RAD18: variants seen among roughly 807,000 people sequenced by gnomAD.
The protein encoded by RAD18 is E3 ubiquitin-protein ligase RAD18.
Under a neutral mutation model 60.4 loss-of-function variants are expected in RAD18, and 47 were observed. The ratio of observed to expected loss-of-function variants is 0.78; its 90% CI spans 0.62 to 0.99. The LOEUF (loss-of-function observed/expected upper bound fraction) is 0.99, where lower values mean the gene tolerates loss of function less well. Among genes scored for constraint, RAD18 ranks in the 50% least tolerant of loss-of-function variants. The probability of loss-of-function intolerance (pLI) is 0.00; values close to 1 mark genes in which losing one functional copy is unlikely to be tolerated. For missense variants in RAD18, 640 were observed against 593.3 expected, an observed-to-expected ratio of 1.08 and a Z score of -0.82; for synonymous variants, 225 against 195.5, an observed-to-expected ratio of 1.15 and a Z score of -1.26.
intron 10 of RAD18, among the ~76,000 whole-genome samples, chr3:8,900,444 T>C (rs1354603095): frequency 1.3e-5 from 2 of 152,248 alleles, no homozygotes; most frequent in Non-Finnish European, 2.9e-5. Flanking sequence ...TTGTCTGTAT[T>C]CTTTTCTTAC....
At chr3:8,889,985 CA>C (rs1235179589) in intron 12 of RAD18, 2 of 171,574 alleles carry the variant, frequency 1.2e-5, no homozygotes, top group Non-Finnish European at 2.5e-5. Context: ...AAATGCTGTA[CA>C]GGTTTGTAGC....
rs757510937 is a variant in RAD18 at position 8,942,829 on chromosome 3, C to A, written c.267-1025G>T. ...ATTCCTGCTCATTTCCAGGGCTGCACATGATTAGACAAAAACACAGGAGAC... is the reference window on the plus strand; with the variant it reads ...ATTCCTGCTCATTTCCAGGGCTGCAAATGATTAGACAAAAACACAGGAGAC... On this transcript the variant is annotated intron_variant, in intron 4 of 12. Transcript: ENST00000264926. Among the ~76,000 whole-genome samples the A allele has an allele frequency of 2.6e-5, 4 of 152,286 alleles. 1 individual carries two copies. The highest frequency in any genetic ancestry group is 6.5e-5 in the Admixed American group (1 of 15,296).
intron 8 of RAD18, 109 bp from the exon 9 acceptor site, chr3:8,912,481 G>T: frequency 1.4e-6 from 1 of 720,618 alleles, no homozygotes; most frequent in South Asian, 2.1e-5. Flanking sequence ...AGAGGAAAAT[G>T]ATCTCTCATC....
intron 7 of RAD18, among the ~76,000 whole-genome samples, chr3:8,931,111 T>C (rs539706348): frequency 1.3e-5 from 2 of 152,238 alleles, no homozygotes; most frequent in African/African-American, 4.8e-5. Flanking sequence ...TGATTGTGTA[T>C]ATAAAAATCC....
chr3:8,928,109 G>A (rs1940478748), intron 7 of RAD18, among the ~76,000 whole-genome samples: 1 of 149,700 alleles, frequency 6.7e-6, no homozygotes, highest in Admixed American at 6.6e-5. Context: ...ATGAAGTAGT[G>A]TACTATTCAT....
At chr3:8,897,239 C>T (rs1167175843) in intron 11 of RAD18, among the ~76,000 whole-genome samples, 1 of 152,058 alleles carries the variant, frequency 6.6e-6, no homozygotes. Flanking sequence ...CAACTGTCAG[C>T]AGTATAAATG....
At chr3:8,893,212 C>CA (rs1161339025) in intron 11 of RAD18, among the ~76,000 whole-genome samples, 1 of 152,118 alleles carries the variant, frequency 6.6e-6, no homozygotes, top group African/African-American at 2.4e-5. Context: ...ACCAGCATGG[C>CA]AGGTACACAG....
chr3:8,956,995 G>C lies in RAD18; in HGVS notation c.133+1925C>G, dbSNP rs138046190. Reference sequence around the variant, plus strand: ...AACATAAAGGCATATAGATCAGAAAGGAATGAGTAAAACTGTCTTTATCCA... The same window carrying C: ...AACATAAAGGCATATAGATCAGAAACGAATGAGTAAAACTGTCTTTATCCA... On this transcript the variant is annotated intron_variant, in intron 2 of 12. Coordinates refer to ENST00000264926, the MANE Select transcript of RAD18 (RefSeq NM_020165.4). Among the ~76,000 whole-genome samples, 20 of 152,252 alleles carry C rather than the reference G, an allele frequency of 1.3e-4. No individual in the cohort carries two copies. The East Asian group carries it at 3.9e-3, about 29-fold the overall frequency.
At chr3:8,908,352 G>C (rs1288980053) in intron 9 of RAD18, among the ~76,000 whole-genome samples, 1 of 151,524 alleles carries the variant, frequency 6.6e-6, no homozygotes, top group African/African-American at 2.4e-5. Context: ...TGACAGAGGA[G>C]CCACCCCTGA....
intron 7 of RAD18, among the ~76,000 whole-genome samples, chr3:8,915,147 C>CAAAAAAAAAAAAAAAAAAAAAAAAAAAAA (rs373157801): frequency 9.9e-6 from 1 of 101,458 alleles, no homozygotes; most frequent in African/African-American, 3.7e-5. Context: ...GACTCCGTCT[C>CAAAAAAAAAAAAAAAAAAAAAAAAAAAAA]AAAAAAAAAA....
intron 2 of RAD18, among the ~76,000 whole-genome samples, chr3:8,949,088 G>A (rs1940886536): frequency 6.6e-6 from 1 of 152,140 alleles, no homozygotes; most frequent in Non-Finnish European, 1.5e-5. Context: ...TGACCTCAAG[G>A]AGCTAATAAA....
chr3:8,893,830 T>C (rs888100171), intron 11 of RAD18, among the ~76,000 whole-genome samples: 1 of 151,680 alleles, frequency 6.6e-6, no homozygotes, highest in African/African-American at 2.4e-5. Flanking sequence ...TGAGTAGTTA[T>C]AGGTGCATAC....
intron 7 of RAD18, among the ~76,000 whole-genome samples, chr3:8,914,990 T>A (rs773778535): frequency 1.5e-3 from 27 of 18,402 alleles, no homozygotes; most frequent in Admixed American, 3.2e-3. Context: ...TAAAAAAAAA[T>A]TTTTTAAAAT....
At chr3:8,932,876 T>C (rs1163450827) in intron 7 of RAD18, among the ~76,000 whole-genome samples, 1 of 152,034 alleles carries the variant, frequency 6.6e-6, no homozygotes, top group African/African-American at 2.4e-5. Flanking sequence ...GGCGGGCAGA[T>C]CACAAGGTCA....
intron 9 of RAD18, among the ~76,000 whole-genome samples, chr3:8,910,011 T>G (rs1940079686): frequency 2.0e-5 from 3 of 152,142 alleles, no homozygotes; most frequent in African/African-American, 7.2e-5. Flanking sequence ...GACTTGGAAC[T>G]TGGAAGAAGT....
intron 4 of RAD18, among the ~76,000 whole-genome samples, chr3:8,945,052 G>A (rs1940817391): frequency 6.6e-6 from 1 of 152,162 alleles, no homozygotes; most frequent in Non-Finnish European, 1.5e-5. Context: ...GATTTATATA[G>A]CATTGTATTA....
intron 9 of RAD18, among the ~76,000 whole-genome samples, chr3:8,905,946 T>A (rs750649539): frequency 1.3e-5 from 2 of 152,212 alleles, no homozygotes; most frequent in African/African-American, 2.4e-5. Context: ...TTATGATCTA[T>A]TTCCCTTGTT....
At chr3:8,948,901 C>T (rs1940882304) in intron 2 of RAD18, among the ~76,000 whole-genome samples, 1 of 152,088 alleles carries the variant, frequency 6.6e-6, no homozygotes, top group Non-Finnish European at 1.5e-5. Flanking sequence ...TACTGCTTAT[C>T]ATTTGAAAAT....
intron 9 of RAD18, among the ~76,000 whole-genome samples, chr3:8,904,232 T>G (rs1234135933): frequency 6.6e-6 from 1 of 152,228 alleles, no homozygotes; most frequent in Non-Finnish European, 1.5e-5. Context: ...CTAATGAGTT[T>G]AAATCTTTAA....
Sources: allele counts gnomAD v4.1 joint callset (sites outside exome capture counted in the v4.1 genomes callset), GRCh38; gene constraint gnomAD v4.1.1; transcripts MANE v1.5; gene names NCBI Gene and HGNC (gene_info 2026-07-23, HGNC 2026-07-21).